Variants in TRAM2 observed in about 807,000 individuals in gnomAD.
TRAM2 encodes the protein translocation associated membrane protein 2.
TRAM2 carries 12 observed loss-of-function variants against 51.0 expected under a neutral mutation model. The observed-to-expected ratio is 0.24, with a 90% CI of 0.15 to 0.38. The LOEUF (loss-of-function observed/expected upper bound fraction) is 0.38, where lower values mean the gene tolerates loss of function less well. Among genes scored for constraint, TRAM2 ranks in the 10% least tolerant of loss-of-function variants. The pLI is 1.00. For missense variants in TRAM2, 361 were observed against 462.0 expected (o/e 0.78, Z 2.00); for synonymous variants, 175 against 179.4 (o/e 0.98, Z 0.20).
At chr6:52,529,274 A>T (rs927470347) in intron 2 of TRAM2, among the ~76,000 whole-genome samples, 1 of 152,164 alleles carries the variant, frequency 6.6e-6, no homozygotes, top group African/African-American at 2.4e-5. Flanking sequence ...ACCTCCCCCC[A>T]GCTTTCCCAG....
chr6:52,571,765 T>A (rs1288137377), intron 1 of TRAM2, among the ~76,000 whole-genome samples: 2 of 152,090 alleles, frequency 1.3e-5, no homozygotes, highest in African/African-American at 2.4e-5. Flanking sequence ...TCAAAACATA[T>A]CATCTCTAAA....
chr6:52,526,993 C>CT (rs531034081), intron 2 of TRAM2, among the ~76,000 whole-genome samples: 4 of 151,184 alleles, frequency 2.6e-5, no homozygotes, highest in East Asian at 3.9e-4. Flanking sequence ...TTAATTAAGG[C>CT]TTTTTTTTTA....
At chr6:52,543,171 C>T (rs953296231) in intron 1 of TRAM2, among the ~76,000 whole-genome samples, 8 of 152,068 alleles carry the variant, frequency 5.3e-5, no homozygotes, top group African/African-American at 1.9e-4. Context: ...TTCTCATCCT[C>T]CCCTAAAAAA....
intron 2 of TRAM2, chr6:52,522,871 G>A: frequency 1.4e-6 from 1 of 701,892 alleles, no homozygotes; most frequent in Non-Finnish European, 2.6e-6. Context: ...ATATTTTCCT[G>A]TTTCCTTCTG....
chr6:52,533,498 G>A (rs975427565), intron 2 of TRAM2, among the ~76,000 whole-genome samples: 1 of 152,170 alleles, frequency 6.6e-6, no homozygotes, highest in Non-Finnish European at 1.5e-5. Flanking sequence ...GGCCCACTGA[G>A]GACAGAGATG....
chr6:52,514,791 A>T (rs1355044950), intron 4 of TRAM2, among the ~76,000 whole-genome samples: 1 of 152,226 alleles, frequency 6.6e-6, no homozygotes, highest in Non-Finnish European at 1.5e-5. Context: ...GGGGGTGGGC[A>T]TGAACTGAAC....
intron 1 of TRAM2, among the ~76,000 whole-genome samples, chr6:52,539,810 A>T (rs769713584): frequency 3.5e-4 from 53 of 152,270 alleles, no homozygotes; most frequent in Non-Finnish European, 6.0e-4. Flanking sequence ...TCATCCTGTC[A>T]TCTGTCCACG....
intron 10 of TRAM2, 122 bp downstream of exon 10, chr6:52,504,469 G>A: frequency 6.6e-7 from 1 of 1,504,088 alleles, no homozygotes; most frequent in Middle Eastern, 2.5e-4. Context: ...GTAAGAGTCA[G>A]GAAGGAGAAG....
Position 52,501,950 on chromosome 6 carries a change from T to A in TRAM2, c.*1247A>T, listed in dbSNP as rs989224616. ...TTCAGGTGGAGGGGAGGGGAAAGAA[T>A]CTGTGAGGGAAGGGGCCAGAAAGGC... On this transcript the variant is annotated 3_prime_UTR_variant, in exon 11 of 11. Coordinates refer to ENST00000182527, the MANE Select transcript of TRAM2 (RefSeq NM_012288.4). 9 of 152,236 alleles carry A rather than the reference T, an allele frequency of 5.9e-5. No homozygotes were observed. The highest frequency in any genetic ancestry group is 2.2e-4 in the African/African-American group (9 of 41,448). 9.4% of individuals were successfully genotyped at this position (152,236 alleles called of 1,614,324 possible).
In TRAM2 at chr6:52,509,523, C is replaced by T. The variant is rs1766415391; in HGVS notation, c.470+5G>A. On this transcript the variant is annotated splice_donor_5th_base_variant and intron_variant, in intron 5 of 10. Transcript: ENST00000182527. ...TCCCTGGGGCTGAGTCAACAGAATA[C>T]TCACGGGAGGTGCACATGCGGGTAG... The T allele has an allele frequency of 6.2e-7, 1 of 1,613,678 alleles. No individual in the cohort carries two copies. The highest frequency in any genetic ancestry group is 8.5e-7 in the Non-Finnish European group (1 of 1,179,922).
In TRAM2 at chr6:52,576,885, G is replaced by C. The variant is rs774335373; in HGVS notation, c.31C>G (p.Pro11Ala). Residue 11 changes from proline to alanine, a missense_variant, in exon 1 of 11, where the codon CCG (proline) becomes GCG (alanine). Physicochemically the swap from Pro to Ala is conservative, Grantham distance 27 (BLOSUM62 -1). Transcript: ENST00000182527. The part of the protein sequence containing the change: MAFRRRTKSY[P>A]LFSQEFVIHN... The stretch of plus-strand genomic sequence containing the variant: ...ATGACGAACTCCTGGCTGAAGAGCG[G>C]GTAACTTTTCGTCCTCCTGCGGAAA... 9 of 1,613,494 alleles carry C rather than the reference G, an allele frequency of 5.6e-6. 2 individuals are homozygous for C. The South Asian group carries it at 9.9e-5, about 18-fold the overall frequency.
intron 2 of TRAM2, 80 bp downstream of exon 2, chr6:52,535,703 A>C: frequency 7.4e-7 from 1 of 1,342,598 alleles, no homozygotes; most frequent in Non-Finnish European, 1.0e-6. Flanking sequence ...AAAAAATTGT[A>C]CACAGATGGG....
chr6:52,504,636 G>A lies in TRAM2; in HGVS notation c.994C>T (p.Pro332Ser), dbSNP rs1364642890. ...WNEQSAKRRV[P>S]ATPRLPARLI... ...CTGGCTGGTAGTCTGGGTGTGGCTG[G>A]GACTCTCCGCTTTGCACTCTGCTCA... Residue 332 changes from proline (P) to serine (S), a missense_variant, in exon 10 of 11, where the codon CCA (proline) becomes TCA (serine). Physicochemically the swap from Pro to Ser is moderately conservative, Grantham distance 74. Coordinates refer to ENST00000182527, the MANE Select transcript of TRAM2 (RefSeq NM_012288.4). The A allele has an allele frequency of 1.3e-5, 21 of 1,613,986 alleles. No homozygotes were observed. The highest frequency in any genetic ancestry group is 1.8e-5 in the Non-Finnish European group (21 of 1,180,044).
chr6:52,507,167 G>A (rs1766364733), intron 7 of TRAM2, among the ~76,000 whole-genome samples: 1 of 152,196 alleles, frequency 6.6e-6, no homozygotes, highest in East Asian at 1.9e-4. Context: ...AGCAGTGTTT[G>A]CATTGGACAC....
chr6:52,501,205 C>G lies in TRAM2; in HGVS notation c.*1992G>C, dbSNP rs1195445177. ...GAGAAATGGGGGAAATACATATTTT[C>G]AAAAACACTGTCTCACTTCCTAAGG... On this transcript the variant is annotated 3_prime_UTR_variant, in exon 11 of 11. Transcript: ENST00000182527. 1 of 152,212 alleles carries G rather than the reference C, an allele frequency of 6.6e-6. No homozygotes were observed. Among genetic ancestry groups the G allele is most frequent in the African/African-American group, 2.4e-5 (1 of 41,458 alleles). The allele number at this position is 152,212 out of a possible 1,614,324, so 9.4% of individuals were successfully genotyped here. A position where few individuals can be genotyped will look rare whatever the true frequency, so the allele number is the denominator to read the frequency against.
chr6:52,550,618 C>G (rs1047865458), intron 1 of TRAM2, among the ~76,000 whole-genome samples: 5 of 152,110 alleles, frequency 3.3e-5, no homozygotes, highest in African/African-American at 1.2e-4. Flanking sequence ...GTGGCAAGAT[C>G]TTAGTTCACT....
intron 1 of TRAM2, among the ~76,000 whole-genome samples, chr6:52,574,373 G>A (rs1767729653): frequency 6.6e-6 from 1 of 152,168 alleles, no homozygotes; most frequent in Non-Finnish European, 1.5e-5. Flanking sequence ...TATCTCTGTG[G>A]AGAGTTAGTT....
chr6:52,568,733 C>T (rs1767629502), intron 1 of TRAM2, among the ~76,000 whole-genome samples: 1 of 152,154 alleles, frequency 6.6e-6, no homozygotes, highest in Non-Finnish European at 1.5e-5. Context: ...CTGGGCCCCT[C>T]AACAGCCTCT....
chr6:52,516,526 G>C lies in TRAM2; in HGVS notation c.294+102C>G, dbSNP rs1398188947. On this transcript the variant is annotated intron_variant, in intron 3 of 10. Transcript: ENST00000182527. The stretch of plus-strand genomic sequence containing the variant: ...AGACCCAACCAGTGCAAGCAAGTTG[G>C]AGGATGAATGGGTGCAGAGCTGCAG... 7.3e-6 allele frequency: 7 copies of C among 958,760 alleles called. No homozygotes were observed. In the African/African-American group the frequency reaches 9.6e-5, roughly 13 times the overall value. 59.4% of individuals were successfully genotyped at this position (958,760 alleles called of 1,614,324 possible). A position where few individuals can be genotyped will look rare whatever the true frequency, so the allele number is the denominator to read the frequency against.
Sources: gnomAD v4.1 joint callset for allele counts (sites outside exome capture counted in the v4.1 genomes callset) on GRCh38, gnomAD v4.1.1 for gene constraint, MANE v1.5 for transcripts, NCBI Gene and HGNC (gene_info 2026-07-23, HGNC 2026-07-21) for gene names.